Variants in KAT6B observed in about 807,000 individuals in gnomAD.
The protein encoded by KAT6B is lysine acetyltransferase 6B.
Under a neutral mutation model 187.5 loss-of-function variants are expected in KAT6B, and 10 were observed. The observed-to-expected ratio is 0.05, with a 90% CI of 0.03 to 0.09. The LOEUF (loss-of-function observed/expected upper bound fraction) is 0.09, where lower values mean the gene tolerates loss of function less well. KAT6B is among the 10% of genes least tolerant of loss of function. The probability of loss-of-function intolerance (pLI) is 1.00; values close to 1 mark genes in which losing one functional copy is unlikely to be tolerated. For missense variants in KAT6B, 1,952 were observed against 2,558.9 expected (o/e 0.76, Z 5.12); for synonymous variants, 861 against 926.8 (o/e 0.93, Z 1.29).
intron 7 of KAT6B, among the ~76,000 whole-genome samples, chr10:74,973,733 T>C (rs1841986477): frequency 6.6e-6 from 1 of 152,156 alleles, no homozygotes; most frequent in Admixed American, 6.5e-5. Context: ...TTTCAATAGA[T>C]TTTGAAAAAA....
chr10:74,870,086 CT>C (rs764818654), intron 3 of KAT6B, among the ~76,000 whole-genome samples: 2 of 152,084 alleles, frequency 1.3e-5, no homozygotes, highest in Admixed American at 6.6e-5. Flanking sequence ...TTGAGAACAG[CT>C]TGGGCAACTT....
chr10:75,002,135 T>C (rs1234647224), intron 13 of KAT6B, among the ~76,000 whole-genome samples: 1 of 152,134 alleles, frequency 6.6e-6, no homozygotes. Context: ...GCCTGTCACC[T>C]CACCTCTAGC....
intron 1 of KAT6B, among the ~76,000 whole-genome samples, chr10:74,836,879 A>C (rs1312913155): frequency 6.6e-6 from 1 of 152,264 alleles, no homozygotes; most frequent in Non-Finnish European, 1.5e-5. Flanking sequence ...AAAAAAAGAA[A>C]GAAAAAGCCA....
chr10:74,842,810 G>C lies in KAT6B; in HGVS notation c.-48G>C, dbSNP rs1162405128. The C allele has an allele frequency of 6.2e-7, 1 of 1,607,264 alleles. No individual in the cohort carries two copies. The highest frequency in any genetic ancestry group is 8.5e-7 in the Non-Finnish European group (1 of 1,176,178). ...ATGTGCAAGTTCTGTTAAATACAAA[G>C]AGAACCTCTATGGGTAACTTTTGTG... On this transcript the variant is annotated 5_prime_UTR_variant, in exon 3 of 18. Transcript: ENST00000287239.
At chr10:74,828,179 G>T (rs1352602737) in intron 1 of KAT6B, among the ~76,000 whole-genome samples, 1 of 152,192 alleles carries the variant, frequency 6.6e-6, no homozygotes, top group Non-Finnish European at 1.5e-5. Context: ...TATGCCCCAT[G>T]AAGGAGTTTA....
In KAT6B at chr10:74,840,130, C is replaced by CT. The variant is rs1300285658; in HGVS notation, c.-259+1379dup. 2.0e-5 allele frequency among the ~76,000 whole-genome samples: 3 copies of CT among 152,354 alleles called. No individual in the cohort carries two copies. In the East Asian group the frequency reaches 5.8e-4, roughly 29 times the overall value. On this transcript the variant is annotated intron_variant, in intron 2 of 17. Transcript: ENST00000287239. ...AAAAGATCTGGGATTTTTAGTTGGACTGCATGCTCACCATGACCACTTGTG... is the reference window on the plus strand; with the variant it reads ...AAAAGATCTGGGATTTTTAGTTGGACTTGCATGCTCACCATGACCACTTGTG...
At chr10:74,881,702 G>A (rs1289474421) in intron 3 of KAT6B, among the ~76,000 whole-genome samples, 1 of 152,170 alleles carries the variant, frequency 6.6e-6, no homozygotes, top group African/African-American at 2.4e-5. Context: ...TGCCCAGGCT[G>A]GAGTGCAGTG....
At chr10:74,981,980 A>G (rs1385998116) in intron 11 of KAT6B, 52 bp downstream of exon 11, 5 of 1,501,178 alleles carry the variant, frequency 3.3e-6, no homozygotes, top group Non-Finnish European at 3.7e-6. Flanking sequence ...AGTACTCCTA[A>G]TTGTTGACTA....
intron 3 of KAT6B, among the ~76,000 whole-genome samples, chr10:74,933,724 C>T (rs1849038844): frequency 5.3e-5 from 8 of 152,092 alleles, no homozygotes; most frequent in Admixed American, 4.6e-4. Context: ...TATACATCTT[C>T]GCTGAGGATA....
chr10:74,998,228 G>A (rs1280924137), intron 13 of KAT6B, among the ~76,000 whole-genome samples: 1 of 127,670 alleles, frequency 7.8e-6, no homozygotes, highest in Non-Finnish European at 1.7e-5. Context: ...GTGGGATTCA[G>A]GTGTGAGCCA....
chr10:74,941,867 G>A (rs61862636), intron 3 of KAT6B, among the ~76,000 whole-genome samples: 1 of 152,114 alleles, frequency 6.6e-6, no homozygotes, highest in African/African-American at 2.4e-5. Context: ...GCCAAAAACT[G>A]GCCGGGTGCC....
intron 3 of KAT6B, among the ~76,000 whole-genome samples, chr10:74,882,592 G>T (rs931818875): frequency 2.0e-5 from 3 of 152,172 alleles, no homozygotes; most frequent in Non-Finnish European, 4.4e-5. Flanking sequence ...CATGGGCCAC[G>T]TTTTTCCAGA....
chr10:74,885,236 T>TA (rs200300002), intron 3 of KAT6B, among the ~76,000 whole-genome samples: 120 of 147,300 alleles, frequency 8.1e-4, no homozygotes, highest in Admixed American at 2.6e-3. Context: ...CCTGGCTAAT[T>TA]AAAAAAAAAA....
At chr10:74,864,325 C>T (rs981633120) in intron 3 of KAT6B, among the ~76,000 whole-genome samples, 4 of 152,302 alleles carry the variant, frequency 2.6e-5, no homozygotes, top group African/African-American at 9.6e-5. Context: ...CTGCAACGCT[C>T]CATCTCCCAG....
At chr10:74,926,225 G>A (rs1305800042) in intron 3 of KAT6B, among the ~76,000 whole-genome samples, 1 of 152,188 alleles carries the variant, frequency 6.6e-6, no homozygotes, top group Non-Finnish European at 1.5e-5. Flanking sequence ...AAGCCGAGGC[G>A]GGCAGATCAC....
intron 3 of KAT6B, among the ~76,000 whole-genome samples, chr10:74,941,848 C>T (rs1426636443): frequency 6.6e-6 from 1 of 152,120 alleles, no homozygotes; most frequent in Non-Finnish European, 1.5e-5. Flanking sequence ...TGCTTTCATA[C>T]TAAAACTAGC....
rs1411257297 is a variant in KAT6B at position 74,935,703 on chromosome 10, A to C, written c.622-24267A>C. On this transcript the variant is annotated intron_variant, in intron 3 of 17. Coordinates refer to ENST00000287239, the MANE Select transcript of KAT6B (RefSeq NM_012330.4). ...AACAAGGGAGGAGAAGCACTGTACCAGTTGTTTCTACACACCTATGAAAGA... is the reference window on the plus strand; with the variant it reads ...AACAAGGGAGGAGAAGCACTGTACCCGTTGTTTCTACACACCTATGAAAGA... 3.3e-5 allele frequency among the ~76,000 whole-genome samples: 5 copies of C among 152,240 alleles called. No individual in the cohort carries two copies. In the East Asian group the frequency reaches 9.6e-4, roughly 29 times the overall value.
chr10:74,928,727 T>C (rs371040649), intron 3 of KAT6B, among the ~76,000 whole-genome samples: 4 of 152,298 alleles, frequency 2.6e-5, no homozygotes, highest in African/African-American at 7.2e-5. Flanking sequence ...TTATAACCCT[T>C]TTCTTGAAAA....
intron 4 of KAT6B, among the ~76,000 whole-genome samples, chr10:74,963,522 A>G (rs1841245548): frequency 6.6e-6 from 1 of 152,162 alleles, no homozygotes; most frequent in Admixed American, 6.5e-5. Context: ...TCCCTTTTGT[A>G]CAATAAAGGG....
Sources: allele counts gnomAD v4.1 joint callset (sites outside exome capture counted in the v4.1 genomes callset), GRCh38; gene constraint gnomAD v4.1.1; transcripts MANE v1.5; gene names NCBI Gene and HGNC (gene_info 2026-07-23, HGNC 2026-07-21).